Variants in VPS13B observed in about 807,000 individuals in gnomAD.
The protein encoded by VPS13B is intermembrane lipid transfer protein VPS13B.
In VPS13B, 285 loss-of-function variants were observed where a neutral mutation model predicts 426.4. The ratio of observed to expected loss-of-function variants is 0.67; its 90% CI spans 0.61 to 0.74. VPS13B has a LOEUF of 0.74. VPS13B is among the 30% of genes least tolerant of loss of function. VPS13B has a pLI of 0.00. For synonymous variants in VPS13B, 1,676 were observed against 1,676.4 expected (o/e 1.00, Z 0.01); for missense variants, 4,537 against 4,782.6 (o/e 0.95, Z 1.51).
chr8:99,791,990 C>T (rs1812562100), intron 43 of VPS13B, among the ~76,000 whole-genome samples: 1 of 152,078 alleles, frequency 6.6e-6, no homozygotes, highest in Non-Finnish European at 1.5e-5. Flanking sequence ...AAAATGGGAA[C>T]ATAATATTTT....
At chr8:99,502,757 CA>C (rs1821311445) in intron 26 of VPS13B, 78 bp from the exon 27 acceptor site, 1 of 1,099,640 alleles carries the variant, frequency 9.1e-7, no homozygotes, top group African/African-American at 1.5e-5. Context: ...ATGCATTTGT[CA>C]ATGTGAAATG....
chr8:99,140,023 G>A (rs750467132), intron 12 of VPS13B, among the ~76,000 whole-genome samples: 3 of 151,978 alleles, frequency 2.0e-5, no homozygotes, highest in Non-Finnish European at 2.9e-5. Context: ...GTTTGAAGGC[G>A]GATTTGATTT....
At chr8:99,376,283 G>A (rs542016370) in intron 19 of VPS13B, among the ~76,000 whole-genome samples, 1 of 152,258 alleles carries the variant, frequency 6.6e-6, no homozygotes, top group African/African-American at 2.4e-5. Context: ...GAACTTGTGT[G>A]CTATTTTTAA....
intron 19 of VPS13B, among the ~76,000 whole-genome samples, chr8:99,355,069 T>G (rs1380733107): frequency 6.6e-6 from 1 of 152,198 alleles, no homozygotes; most frequent in Non-Finnish European, 1.5e-5. Context: ...TTAACTCCAT[T>G]GCCATTATTT....
intron 30 of VPS13B, among the ~76,000 whole-genome samples, chr8:99,525,365 G>A (rs1350637679): frequency 6.6e-6 from 1 of 152,016 alleles, no homozygotes; most frequent in East Asian, 1.9e-4. Flanking sequence ...AAATAATGGT[G>A]TATATTAAAT....
intron 34 of VPS13B, among the ~76,000 whole-genome samples, chr8:99,660,588 T>C (rs572557054): frequency 6.6e-6 from 1 of 152,214 alleles, no homozygotes; most frequent in South Asian, 2.1e-4. Context: ...ACAGCAGTCG[T>C]TTTTATTTAA....
chr8:99,135,723 C>T lies in VPS13B; in HGVS notation c.1553C>T (p.Thr518Ile), dbSNP rs751932917. ...CGCGCAGAATTTATCTTGGATTCAACTCATCATAAGGTTAGAGAATATATA... is the reference window on the plus strand; with the variant it reads ...CGCGCAGAATTTATCTTGGATTCAATTCATCATAAGGTTAGAGAATATATA... Reference protein sequence around the residue: ...GTRAEFILDSTHHKETYTEIA... With the variant: ...GTRAEFILDSIHHKETYTEIA... The change falls in exon 11 of 62, where the codon ACT becomes ATT. Residue 518 changes from threonine (T) to isoleucine (I), a missense_variant. Around this residue, in one of 2 missense-constraint regions of VPS13B, gnomAD observed 4,311 missense variants for 4,474.3 expected, o/e 0.96. Transcript: ENST00000357162. The T allele has an allele frequency of 5.0e-6, 8 of 1,613,084 alleles. No individual in the cohort carries two copies. In the Admixed American group the frequency reaches 1.3e-4, roughly 27 times the overall value.
At chr8:99,414,030 TA>T (rs1265766751) in intron 21 of VPS13B, among the ~76,000 whole-genome samples, 3 of 152,220 alleles carry the variant, frequency 2.0e-5, no homozygotes, top group Non-Finnish European at 4.4e-5. Context: ...AATGGGGTGT[TA>T]AAGTGTCCCA....
chr8:99,134,664 C>CATGT lies in VPS13B; in HGVS notation c.1240_1241insTGTA (p.Ser414MetfsTer2). On this transcript the variant is annotated frameshift_variant, in exon 9 of 62. Transcript: ENST00000357162. LOFTEE classifies it high-confidence loss of function. Reference sequence around the variant, plus strand: ...AAATGCAAGTTGAGAGTAGTTATTACAGTCCACAGAAAGTAAAATCTAAAG... The same window carrying CATGT: ...AAATGCAAGTTGAGAGTAGTTATTACATGTAGTCCACAGAAAGTAAAATCTAAAG... 6.2e-7 allele frequency: 1 copy of CATGT among 1,609,816 alleles called. No individual in the cohort carries two copies. The highest frequency in any genetic ancestry group is 8.5e-7 in the Non-Finnish European group (1 of 1,177,760).
chr8:99,644,322 T>A (rs1829491237), intron 34 of VPS13B, among the ~76,000 whole-genome samples: 1 of 152,172 alleles, frequency 6.6e-6, no homozygotes, highest in African/African-American at 2.4e-5. Flanking sequence ...TAAGAGAAGA[T>A]TGGCTTCAGT....
At chr8:99,111,961 C>G (rs1847394350) in intron 6 of VPS13B, among the ~76,000 whole-genome samples, 1 of 152,082 alleles carries the variant, frequency 6.6e-6, no homozygotes, top group African/African-American at 2.4e-5. Flanking sequence ...CTCCTTCCCT[C>G]CTTTTAGAAT....
chr8:99,621,439 A>C, intron 33 of VPS13B, among the ~76,000 whole-genome samples: 1 of 152,156 alleles, frequency 6.6e-6, no homozygotes, highest in East Asian at 1.9e-4. Flanking sequence ...TGTCCCCAGC[A>C]GGTTATCTGT....
intron 33 of VPS13B, among the ~76,000 whole-genome samples, chr8:99,591,466 G>T (rs1826671176): frequency 6.6e-6 from 1 of 152,002 alleles, no homozygotes; most frequent in Non-Finnish European, 1.5e-5. Context: ...TTACTATTTG[G>T]CATGTTTTCA....
chr8:99,759,469 C>T (rs1810811524), intron 39 of VPS13B, among the ~76,000 whole-genome samples: 1 of 152,190 alleles, frequency 6.6e-6, no homozygotes, highest in Non-Finnish European at 1.5e-5. Context: ...TACCTTCTTA[C>T]AAATAAGTAA....
chr8:99,032,431 T>A (rs1158243128), intron 2 of VPS13B, among the ~76,000 whole-genome samples: 1 of 152,154 alleles, frequency 6.6e-6, no homozygotes, highest in African/African-American at 2.4e-5. Context: ...TCCTCTGATA[T>A]TTATTAATTT....
chr8:99,459,954 C>G (rs781691663), intron 23 of VPS13B, among the ~76,000 whole-genome samples: 1 of 152,054 alleles, frequency 6.6e-6, no homozygotes, highest in Non-Finnish European at 1.5e-5. Context: ...TAATAGTATA[C>G]CTTTTTCCAG....
At chr8:99,603,012 A>T (rs1827395361) in intron 33 of VPS13B, among the ~76,000 whole-genome samples, 1 of 152,256 alleles carries the variant, frequency 6.6e-6, no homozygotes, top group Non-Finnish European at 1.5e-5. Context: ...CTTTCTTCAC[A>T]GAATTACTGG....
In VPS13B at chr8:99,481,593, T is replaced by C; in HGVS notation, c.3667-6T>C. ...TGTTTTCTTTTCTTTTTTCTTATGC[T>C]CTCAGGTCCAGCTCTTCTATGAACT... On this transcript the variant is annotated splice_polypyrimidine_tract_variant and splice_region_variant and intron_variant, in intron 24 of 61. Transcript: ENST00000357162. The C allele has an allele frequency of 1.2e-6, 2 of 1,613,434 alleles. No homozygotes were observed. The highest frequency in any genetic ancestry group is 1.7e-6 in the Non-Finnish European group (2 of 1,179,732).
At position 99,501,831 on chromosome 8, in the gene VPS13B, G is replaced by T. The variant is rs746316940; in HGVS notation, c.4015G>T (p.Ala1339Ser). The T allele has an allele frequency of 1.2e-6, 2 of 1,613,698 alleles. No individual in the cohort carries two copies. The highest frequency in any genetic ancestry group is 2.2e-5 in the East Asian group (1 of 44,858). The change falls in exon 26 of 62, where the codon GCT becomes TCT. Residue 1339 changes from alanine to serine, a missense_variant. This residue lies in a region of VPS13B where 4,311 missense variants were observed against 4,474.3 expected (regional missense o/e 0.96). Coordinates refer to ENST00000357162, the MANE Select transcript of VPS13B (RefSeq NM_152564.5). ...TCCCAAAATTACTATAAAGCTCTTT[G>T]CTCCAGATCCTGAAAATAAAGGCAC... ...VLPKITIKLF[A>S]PDPENKGTEV...
Sources: allele counts gnomAD v4.1 joint callset (sites outside exome capture counted in the v4.1 genomes callset), GRCh38; gene constraint gnomAD v4.1.1; regional missense constraint gnomAD v4.1.1; transcripts MANE v1.5; gene names NCBI Gene and HGNC (gene_info 2026-07-23, HGNC 2026-07-21).